The following IFIH1 variants were observed in gnomAD, a reference collection of about 807,000 sequenced individuals.
The protein encoded by IFIH1 is interferon induced with helicase C domain 1.
Under a neutral mutation model 107.4 loss-of-function variants are expected in IFIH1, and 125 were observed. The ratio of observed to expected loss-of-function variants is 1.16; its 90% CI spans 1.01 to 1.35. IFIH1 has a LOEUF of 1.35. Ranked by LOEUF, IFIH1 falls within the 40% of genes most tolerant of loss-of-function variation. IFIH1 has a pLI of 0.00. For missense variants in IFIH1, 1,333 were observed against 1,213.7 expected (o/e 1.10, Z -1.46); for synonymous variants, 458 against 413.2 (o/e 1.11, Z -1.31).
chr2:162,277,438 C>A lies in IFIH1; in HGVS notation c.2021G>T (p.Arg674Ile). 6.2e-7 allele frequency: 1 copy of A among 1,608,526 alleles called. No homozygotes were observed. The highest frequency in any genetic ancestry group is 8.5e-7 in the Non-Finnish European group (1 of 1,176,574). ...ACCAAAAAATAAAGTCATGAGAAAT[C>A]TATCTGTTTCATCCAGTTTCAAAGG... ...KKPLKLDETD[R>I]FLMTLFFENN... Residue 674 changes from arginine (R) to isoleucine (I), a missense_variant, in exon 10 of 16, where the codon AGA becomes ATA. Transcript: ENST00000649979.
chr2:162,312,066 T>G (rs934721411), intron 1 of IFIH1, among the ~76,000 whole-genome samples: 1 of 152,200 alleles, frequency 6.6e-6, no homozygotes, highest in African/African-American at 2.4e-5. Context: ...TCTCAACATT[T>G]GCCAATCTTC....
intron 9 of IFIH1, 61 bp from the exon 10 acceptor site, chr2:162,277,754 C>G: frequency 6.6e-7 from 1 of 1,523,246 alleles, no homozygotes; most frequent in South Asian, 1.3e-5. Context: ...AAAATTGTGC[C>G]ATGGACTTGA....
intron 7 of IFIH1, 145 bp downstream of exon 7, chr2:162,281,183 G>C: frequency 1.6e-6 from 1 of 610,576 alleles, no homozygotes; most frequent in South Asian, 2.1e-5. Flanking sequence ...GTAGAAGACT[G>C]AGTATATTTA....
Position 162,310,842 on chromosome 2 carries a change from A to G in IFIH1, c.545T>C (p.Leu182Pro), listed in dbSNP as rs760773075. 3 of 1,613,432 alleles carry G rather than the reference A, an allele frequency of 1.9e-6. No homozygotes were observed. The highest frequency in any genetic ancestry group is 2.5e-6 in the Non-Finnish European group (3 of 1,179,538). Residue 182 changes from leucine to proline, a missense_variant, in exon 2 of 16, where the codon CTG becomes CCG. Transcript: ENST00000649979. ...VQKENWFSAF[L>P]NVLRQTGNNE... ...GTTTCCTGTTTGACGAAGAACATTC[A>G]GAAATGCAGAGAACCAGTTTTCTTT...
intron 5 of IFIH1, among the ~76,000 whole-genome samples, chr2:162,283,368 A>C (rs1010196530): frequency 2.0e-5 from 3 of 151,998 alleles, no homozygotes; most frequent in Non-Finnish European, 4.4e-5. Flanking sequence ...TTCTCAGCTG[A>C]TTCTGTATGT....
At chr2:162,271,250 G>A (rs2111486) in intron 13 of IFIH1, among the ~76,000 whole-genome samples, 5,313 of 152,154 alleles carry the variant, frequency 0.035, 455 homozygotes, top group Admixed American at 0.21. Context: ...CCACCCAGTT[G>A]AAAGTATCCA....
intron 3 of IFIH1, among the ~76,000 whole-genome samples, chr2:162,303,278 C>A (rs1201390988): frequency 6.6e-6 from 1 of 152,102 alleles, no homozygotes; most frequent in African/African-American, 2.4e-5. Context: ...CCATGCTCGG[C>A]TAAGTTTTTG....
At chr2:162,300,506 G>T (rs1683175696) in intron 3 of IFIH1, among the ~76,000 whole-genome samples, 2 of 152,098 alleles carry the variant, frequency 1.3e-5, no homozygotes, top group Admixed American at 1.3e-4. Context: ...CCATATAACT[G>T]ACCCAGATAC....
In IFIH1 at chr2:162,288,173, C is replaced by CT. The variant is rs1682929983; in HGVS notation, c.1056dup (p.Ala353SerfsTer3). 1 of 1,612,340 alleles carries CT rather than the reference C, an allele frequency of 6.2e-7. No homozygotes were observed. ...ACTATAACTTTTCCAGGCTCAGATG[C>CT]TTTTTTCTTCTTGTCTAAGTGATCC... On this transcript the variant is annotated frameshift_variant, in exon 5 of 16. Transcript: ENST00000649979. LOFTEE classifies it high-confidence loss of function.
At position 162,310,777 on chromosome 2, in the gene IFIH1, C is replaced by A. The variant is rs1683372797; in HGVS notation, c.610G>T (p.Glu204Ter). 1 of 1,613,368 alleles carries A rather than the reference C, an allele frequency of 6.2e-7. No homozygotes were observed. Among genetic ancestry groups the A allele is most frequent in the Admixed American group, 1.7e-5 (1 of 59,974 alleles). The change falls in exon 2 of 16, where the codon GAA (glutamate) becomes TAA (stop). Residue 204 changes from glutamate (E) to a stop codon, truncating the protein, a stop_gained. Coordinates refer to ENST00000649979, the MANE Select transcript of IFIH1 (RefSeq NM_022168.4). LOFTEE classifies it high-confidence loss of function. ...VQELTGSDCS[E>*]SNAEIENLSQ... ...AAATTACAAATACCTGCATTGCTTT[C>A]TGAGCAATCAGAGCCTGTTAACTCT...
At chr2:162,279,517 TC>T (rs1366822023) in intron 8 of IFIH1, among the ~76,000 whole-genome samples, 1 of 152,074 alleles carries the variant, frequency 6.6e-6, no homozygotes, top group Admixed American at 6.6e-5. Context: ...AGTAAATATT[TC>T]ACTTCTTTAC....
rs1558877311 is a variant in IFIH1 at position 162,314,389 on chromosome 2, TCCCTCCC to T, written c.453+3459_454-3457del. Among the ~76,000 whole-genome samples the T allele has an allele frequency of 7.2e-4, 29 of 40,038 alleles. 1 individual carries two copies. Among genetic ancestry groups the T allele is most frequent in the Admixed American group, 2.2e-3 (8 of 3,574 alleles). 26.3% of individuals were successfully genotyped at this position (40,038 alleles called of 152,430 possible). On this transcript the variant is annotated intron_variant, in intron 1 of 15. Coordinates refer to ENST00000649979, the MANE Select transcript of IFIH1 (RefSeq NM_022168.4). ...TTCCTTCCCTCCCTCCCTCCCTCCC[TCCCTCCC>T]TCCTTTCTTTCTTTCTTTCTTTTCT...
At chr2:162,298,239 AG>A (rs1683129434) in intron 3 of IFIH1, among the ~76,000 whole-genome samples, 2 of 152,166 alleles carry the variant, frequency 1.3e-5, no homozygotes, top group South Asian at 4.1e-4. Flanking sequence ...CCTACCAGGT[AG>A]TACCTCTTCT....
At chr2:162,278,432 T>G in intron 8 of IFIH1, 104 bp from the exon 9 acceptor site, 1 of 650,408 alleles carries the variant, frequency 1.5e-6, no homozygotes, top group Non-Finnish European at 2.5e-6. Context: ...TGATTCATCT[T>G]TGTTTAGACA....
At chr2:162,303,863 C>T (rs911289390) in intron 3 of IFIH1, among the ~76,000 whole-genome samples, 1 of 152,102 alleles carries the variant, frequency 6.6e-6, no homozygotes, top group Non-Finnish European at 1.5e-5. Flanking sequence ...TGATGATAAA[C>T]CCTCATTTAA....
intron 5 of IFIH1, among the ~76,000 whole-genome samples, chr2:162,286,401 C>A (rs1387739435): frequency 6.6e-6 from 1 of 151,838 alleles, no homozygotes; most frequent in Non-Finnish European, 1.5e-5. Flanking sequence ...GTAGGGGGAC[C>A]TCCTTGATAT....
chr2:162,272,361 C>G lies in IFIH1; in HGVS notation c.2481G>C (p.Glu827Asp). Residue 827 changes from glutamate to aspartate, a missense_variant, in exon 13 of 16, where the codon GAG becomes GAC. By Grantham distance (45) the Glu-to-Asp change is conservative (BLOSUM62 2). Coordinates refer to ENST00000649979, the MANE Select transcript of IFIH1 (RefSeq NM_022168.4). ...TGTGAGCAACCAGGACGTAGGTGCTCTCATCAGCTCTGGCTCGACCACGGG... is the reference window on the plus strand; with the variant it reads ...TGTGAGCAACCAGGACGTAGGTGCTGTCATCAGCTCTGGCTCGACCACGGG... Reference protein sequence around the residue: ...VQARGRARADESTYVLVAHSG... With the variant: ...VQARGRARADDSTYVLVAHSG... The G allele has an allele frequency of 6.2e-7, 1 of 1,613,398 alleles. No individual in the cohort carries two copies. Among genetic ancestry groups the G allele is most frequent in the Non-Finnish European group, 8.5e-7 (1 of 1,179,556 alleles).
chr2:162,290,223 T>G (rs1363128070), intron 4 of IFIH1, among the ~76,000 whole-genome samples: 2 of 151,856 alleles, frequency 1.3e-5, no homozygotes, highest in African/African-American at 4.8e-5. Context: ...AAAATGCTCC[T>G]TCCTTCATAA....
intron 13 of IFIH1, among the ~76,000 whole-genome samples, chr2:162,270,038 G>GA (rs948678517): frequency 2.6e-5 from 4 of 151,660 alleles, no homozygotes; most frequent in African/African-American, 9.7e-5. Flanking sequence ...GAATGAGTCA[G>GA]AAAAAAAATA....
Sources: allele counts gnomAD v4.1 joint callset (sites outside exome capture counted in the v4.1 genomes callset), GRCh38; gene constraint gnomAD v4.1.1; transcripts MANE v1.5; gene names NCBI Gene and HGNC (gene_info 2026-07-23, HGNC 2026-07-21).